The following RAB3GAP2 variants were observed in gnomAD, a reference collection of about 807,000 sequenced individuals.
RAB3GAP2 encodes the protein rab3 GTPase-activating protein non-catalytic subunit.
A neutral mutation model predicts 185.3 loss-of-function variants in RAB3GAP2; 87 were observed. The ratio of observed to expected loss-of-function variants is 0.47; its 90% CI spans 0.39 to 0.56. The LOEUF is 0.56. Ranked by LOEUF, RAB3GAP2 falls within the 20% of genes least tolerant of loss-of-function variation. The probability of loss-of-function intolerance (pLI) is 0.00; values close to 1 mark genes in which losing one functional copy is unlikely to be tolerated. For synonymous variants in RAB3GAP2, 554 were observed against 576.1 expected (o/e 0.96, Z 0.55); for missense variants, 1,492 against 1,638.2 (o/e 0.91, Z 1.54).
At position 220,261,078 on chromosome 1, in the gene RAB3GAP2, A is replaced by T. The variant is rs139295675; in HGVS notation, c.115+11145T>A. Among the ~76,000 whole-genome samples, 475 of 152,126 alleles carry T rather than the reference A, an allele frequency of 3.1e-3. 3 individuals carry two copies. The highest frequency in any genetic ancestry group is 0.011 in the African/African-American group (469 of 41,504). On this transcript the variant is annotated intron_variant, in intron 1 of 34. Transcript: ENST00000358951. Reference sequence around the variant, plus strand: ...TCTGATTTTACATACTTTAAAAAAAAGGGGGGGCAATGTGGTAAGTAATGT... The same window carrying T: ...TCTGATTTTACATACTTTAAAAAAATGGGGGGGCAATGTGGTAAGTAATGT...
intron 1 of RAB3GAP2, among the ~76,000 whole-genome samples, chr1:220,251,335 G>A (rs968726514): frequency 6.6e-6 from 1 of 151,892 alleles, no homozygotes; most frequent in African/African-American, 2.4e-5. Flanking sequence ...TCTTTCAAAG[G>A]AGAATATGAA....
chr1:220,223,694 T>TA (rs199729434), intron 2 of RAB3GAP2, among the ~76,000 whole-genome samples: 2,357 of 143,664 alleles, frequency 0.016, 99 homozygotes, highest in South Asian at 0.12. Context: ...ATATTTCACT[T>TA]AAAAAAAAAA....
chr1:220,171,210 T>C, intron 23 of RAB3GAP2, 90 bp from the exon 24 acceptor site: 1 of 1,113,610 alleles, frequency 9.0e-7, no homozygotes. Flanking sequence ...TGATGGATAC[T>C]GAGGATACAT....
chr1:220,165,295 ATAAGT>A (rs1658043596), intron 26 of RAB3GAP2, among the ~76,000 whole-genome samples: 2 of 151,082 alleles, frequency 1.3e-5, no homozygotes, highest in Non-Finnish European at 2.9e-5. Flanking sequence ...AATAAACATG[ATAAGT>A]TAATATATTA....
chr1:220,247,799 G>C (rs1489459820), intron 1 of RAB3GAP2, among the ~76,000 whole-genome samples: 1 of 151,492 alleles, frequency 6.6e-6, no homozygotes, highest in East Asian at 1.9e-4. Context: ...TAACAATAGA[G>C]CAAAACAGCA....
intron 13 of RAB3GAP2, 46 bp from the exon 14 acceptor site, chr1:220,191,330 C>T (rs2102869836): frequency 8.9e-7 from 1 of 1,117,850 alleles, no homozygotes; most frequent in South Asian, 1.3e-5. Context: ...ATCTAGGTTC[C>T]ATAGTAGCCT....
intron 1 of RAB3GAP2, among the ~76,000 whole-genome samples, chr1:220,240,111 A>G (rs894152292): frequency 2.6e-5 from 4 of 152,156 alleles, no homozygotes; most frequent in African/African-American, 9.7e-5. Flanking sequence ...AATAGCAAAT[A>G]TTGCTTACTG....
chr1:220,190,133 C>T lies in RAB3GAP2; in HGVS notation c.1645G>A (p.Glu549Lys), dbSNP rs998001109. ...ACTAGGTGCATATCCTTGGCTCGTT[C>T]ACTCTTCTTATCACTAAACCAATAA... ...FHLALSDKKS[E>K]RAKDMHLVKK... The change falls in exon 16 of 35, where the codon GAA becomes AAA. Residue 549 changes from glutamate (E) to lysine (K), a missense_variant. Coordinates refer to ENST00000358951, the MANE Select transcript of RAB3GAP2 (RefSeq NM_012414.4). 2 of 1,612,578 alleles carry T rather than the reference C, an allele frequency of 1.2e-6. No individual in the cohort carries two copies. The highest frequency in any genetic ancestry group is 1.7e-6 in the Non-Finnish European group (2 of 1,178,828).
chr1:220,240,507 T>A (rs1659670835), intron 1 of RAB3GAP2, among the ~76,000 whole-genome samples: 1 of 152,172 alleles, frequency 6.6e-6, no homozygotes. Flanking sequence ...ATTAAAGATT[T>A]CATTTGGGTC....
chr1:220,178,012 T>C (rs926354324), intron 21 of RAB3GAP2, among the ~76,000 whole-genome samples: 2 of 151,882 alleles, frequency 1.3e-5, no homozygotes, highest in African/African-American at 4.8e-5. Context: ...CTCATAAGGG[T>C]CAAAGACAAA....
chr1:220,243,737 C>T (rs981771660), intron 1 of RAB3GAP2, among the ~76,000 whole-genome samples: 13 of 152,128 alleles, frequency 8.5e-5, no homozygotes, highest in Admixed American at 3.9e-4. Context: ...AGCAATACAA[C>T]GAGGTGCTGC....
At chr1:220,269,437 T>C (rs888383973) in intron 1 of RAB3GAP2, among the ~76,000 whole-genome samples, 20 of 152,202 alleles carry the variant, frequency 1.3e-4, no homozygotes, top group African/African-American at 4.8e-4. Flanking sequence ...AAAAGGGCAA[T>C]GTTAGGCTGG....
At chr1:220,245,448 C>T (rs889361745) in intron 1 of RAB3GAP2, among the ~76,000 whole-genome samples, 22 of 152,168 alleles carry the variant, frequency 1.4e-4, no homozygotes, top group African/African-American at 4.6e-4. Flanking sequence ...CCGAATATTG[C>T]GCTTTTCAGA....
intron 2 of RAB3GAP2, among the ~76,000 whole-genome samples, chr1:220,225,547 C>T (rs1659388455): frequency 6.6e-6 from 1 of 152,128 alleles, no homozygotes; most frequent in Non-Finnish European, 1.5e-5. Context: ...GCTGTGAAAG[C>T]CAAAAATGTC....
At position 220,182,264 on chromosome 1, in the gene RAB3GAP2, A is replaced by G. The variant is rs1658423922; in HGVS notation, c.2303T>C (p.Leu768Pro). 6.2e-7 allele frequency: 1 copy of G among 1,614,032 alleles called. No individual in the cohort carries two copies. The highest frequency in any genetic ancestry group is 1.3e-5 in the African/African-American group (1 of 75,028). The change falls in exon 21 of 35, where the codon CTG (leucine) becomes CCG (proline). Residue 768 changes from leucine (L) to proline (P), a missense_variant. Leu to Pro is a moderately conservative substitution (Grantham distance 98). Around this residue, in one of 5 missense-constraint regions of RAB3GAP2, gnomAD observed 681 missense variants for 689.1 expected, o/e 0.99. Transcript: ENST00000358951. ...TLESAGLSPQ[L>P]LLSLLLSVWL... is the part of the protein sequence containing the mutation. ...CAACCAAAAAAACCTTACCAACAACAGCTGAGGGCTAAGACCAGCCGACTC... is the reference window on the plus strand; with the variant it reads ...CAACCAAAAAAACCTTACCAACAACGGCTGAGGGCTAAGACCAGCCGACTC...
Position 220,232,787 on chromosome 1 carries a change from G to A in RAB3GAP2, c.180+12C>T. On this transcript the variant is annotated intron_variant, in intron 2 of 34. Transcript: ENST00000358951. ...ACTATCAAAAAACATGCATATATTTGTAAAGACTTACAGGTTCTTGTGGTT... is the reference window on the plus strand; with the variant it reads ...ACTATCAAAAAACATGCATATATTTATAAAGACTTACAGGTTCTTGTGGTT... 6.2e-7 allele frequency: 1 copy of A among 1,605,712 alleles called. No homozygotes were observed. The highest frequency in any genetic ancestry group is 1.3e-5 in the African/African-American group (1 of 74,824).
intron 1 of RAB3GAP2, among the ~76,000 whole-genome samples, chr1:220,252,883 G>T (rs553491321): frequency 6.6e-5 from 10 of 152,306 alleles, no homozygotes; most frequent in South Asian, 2.1e-4. Flanking sequence ...TAAGAAGGGG[G>T]CTGATTCCAG....
At position 220,151,126 on chromosome 1, in the gene RAB3GAP2, T is replaced by A; in HGVS notation, c.*125A>T. The stretch of plus-strand genomic sequence containing the variant: ...TTTTAAAAGTTGTATATACTTTTAT[T>A]TATTTTACAAAAGGAAAAAAAAAGA... On this transcript the variant is annotated 3_prime_UTR_variant, in exon 35 of 35. Coordinates refer to ENST00000358951, the MANE Select transcript of RAB3GAP2 (RefSeq NM_012414.4). The A allele has an allele frequency of 9.7e-7, 1 of 1,027,540 alleles. No homozygotes were observed. The allele number at this position is 1,027,540 out of a possible 1,614,324, so 63.7% of individuals were successfully genotyped here.
At chr1:220,206,827 C>T (rs1658977698) in intron 7 of RAB3GAP2, among the ~76,000 whole-genome samples, 1 of 152,200 alleles carries the variant, frequency 6.6e-6, no homozygotes, top group South Asian at 2.1e-4. Flanking sequence ...ATTCAGGTTT[C>T]AGTTCAAATG....
Sources: gnomAD v4.1 joint callset for allele counts (sites outside exome capture counted in the v4.1 genomes callset) on GRCh38, gnomAD v4.1.1 for gene constraint, gnomAD v4.1.1 regional missense constraint, MANE v1.5 for transcripts, NCBI Gene and HGNC (gene_info 2026-07-23, HGNC 2026-07-21) for gene names.